The following ANK2 variants were observed in gnomAD, a reference collection of about 807,000 sequenced individuals.
ANK2 encodes ankyrin-2.
ANK2 carries 83 observed loss-of-function variants against 360.5 expected under a neutral mutation model. The ratio of observed to expected loss-of-function variants is 0.23; its 90% confidence interval spans 0.19 to 0.28. The LOEUF is 0.28. Among genes scored for constraint, ANK2 ranks in the 10% least tolerant of loss-of-function variants. The pLI, the probability that ANK2 is intolerant of heterozygous loss-of-function variation, is 1.00. For synonymous variants in ANK2, 1,740 were observed against 1,759.5 expected, an observed-to-expected ratio of 0.99 and a Z score of 0.28; for missense variants, 4,201 against 4,795.7, an observed-to-expected ratio of 0.88 and a Z score of 3.66.
At chr4:113,282,915 C>T in intron 18 of ANK2, 43 bp downstream of exon 18, 1 of 1,599,244 alleles carries the variant, frequency 6.3e-7, no homozygotes, top group South Asian at 1.1e-5. Context: ...GTTTTGGATG[C>T]ATGTAAACAG....
chr4:112,796,137 T>A, the ANK2 span, among the ~76,000 whole-genome samples: 1 of 151,986 alleles, frequency 6.6e-6, no homozygotes, highest in East Asian at 1.9e-4. Flanking sequence ...AAAATATACA[T>A]ATCGTGGTTG....
At chr4:112,893,937 C>G (rs982448738) in intron 1 of ANK2, among the ~76,000 whole-genome samples, 4 of 152,168 alleles carry the variant, frequency 2.6e-5, no homozygotes. Flanking sequence ...ACGGAGGATA[C>G]AGTGAGCCAA....
At chr4:112,912,089 A>G (rs1001614373) in intron 2 of ANK2, among the ~76,000 whole-genome samples, 2 of 151,588 alleles carry the variant, frequency 1.3e-5, no homozygotes, top group Admixed American at 1.3e-4. Context: ...AGGCAGGAGA[A>G]TGGTGTGGAC....
intron 14 of ANK2, among the ~76,000 whole-genome samples, chr4:113,267,764 T>C (rs1482374222): frequency 2.0e-5 from 3 of 152,230 alleles, no homozygotes; most frequent in Non-Finnish European, 2.9e-5. Context: ...AAGTTTAAAG[T>C]AGTTTTTTCT....
chr4:113,253,840 T>C (rs1040780752), intron 10 of ANK2, among the ~76,000 whole-genome samples: 2 of 152,154 alleles, frequency 1.3e-5, no homozygotes, highest in Non-Finnish European at 2.9e-5. Context: ...AGTAATCCTG[T>C]TGCCCTAAAC....
intron 1 of ANK2, among the ~76,000 whole-genome samples, chr4:113,154,038 C>T (rs1474669817): frequency 6.6e-6 from 1 of 152,100 alleles, no homozygotes; most frequent in Non-Finnish European, 1.5e-5. Flanking sequence ...TCTTCTTATC[C>T]AGGTTAATTC....
the ANK2 span, among the ~76,000 whole-genome samples, chr4:112,764,208 G>A: frequency 3.5e-3 from 531 of 152,150 alleles, 3 homozygotes; most frequent in Admixed American, 7.1e-3. Context: ...CTCCTAAAGT[G>A]TTGAGATTAT....
chr4:113,151,053 C>A, intron 1 of ANK2: 1 of 1,277,624 alleles, frequency 7.8e-7, no homozygotes, highest in Non-Finnish European at 1.0e-6. Flanking sequence ...AGTAGCAAAT[C>A]TATTTATGGG....
At position 112,993,085 on chromosome 4, in the gene ANK2, C is replaced by A. The variant is rs80203587; in HGVS notation, c.21+88571C>A. Among the ~76,000 whole-genome samples, 233 of 151,948 alleles carry A rather than the reference C, an allele frequency of 1.5e-3. 4 individuals are homozygous for A. In the East Asian group the frequency reaches 0.032, roughly 21 times the overall value. The stretch of plus-strand genomic sequence containing the variant: ...ACTGCTTGAGCCCATGAATTCGAGA[C>A]CAGCCTGGGCAACATAAGGAGACCT... On this transcript the variant is annotated intron_variant, in intron 2 of 30. Transcript: ENST00000503271.
the ANK2 span, among the ~76,000 whole-genome samples, chr4:112,751,865 C>T: frequency 4.6e-5 from 7 of 152,126 alleles, no homozygotes; most frequent in Admixed American, 4.6e-4. Context: ...GCTGGAGTCC[C>T]AACAAGGGAT....
intron 2 of ANK2, 26 bp downstream of exon 2, chr4:113,174,543 G>A (rs1475795093): frequency 6.6e-7 from 1 of 1,507,772 alleles, no homozygotes; most frequent in Non-Finnish European, 9.2e-7. Flanking sequence ...CTAGCTCTGT[G>A]TTGTGCAACG....
chr4:112,807,890 T>C, the ANK2 span, among the ~76,000 whole-genome samples: 1 of 152,260 alleles, frequency 6.6e-6, no homozygotes, highest in Non-Finnish European at 1.5e-5. Flanking sequence ...TAAGTTTTAA[T>C]GCTTTGAAAA....
chr4:112,955,609 C>T (rs537893579), intron 2 of ANK2, among the ~76,000 whole-genome samples: 4 of 151,926 alleles, frequency 2.6e-5, no homozygotes, highest in African/African-American at 9.7e-5. Context: ...AGTTTACACC[C>T]GGGTATTCAG....
intron 1 of ANK2, among the ~76,000 whole-genome samples, chr4:113,167,271 G>A (rs2097780025): frequency 6.6e-6 from 1 of 150,382 alleles, no homozygotes; most frequent in Admixed American, 6.6e-5. Flanking sequence ...TATAAAGATG[G>A]GTTCTCACTC....
chr4:113,160,453 A>T, intron 1 of ANK2: 1 of 267,186 alleles, frequency 3.7e-6, no homozygotes. Flanking sequence ...TTGCTAATCA[A>T]GGTTTGAAAC....
intron 2 of ANK2, among the ~76,000 whole-genome samples, chr4:112,940,898 A>G (rs2094156084): frequency 1.3e-5 from 2 of 152,086 alleles, no homozygotes. Context: ...TATGTTCTGA[A>G]TCACAGCCGC....
At chr4:113,134,755 A>T (rs2096287500) in intron 1 of ANK2, among the ~76,000 whole-genome samples, 1 of 152,200 alleles carries the variant, frequency 6.6e-6, no homozygotes, top group Non-Finnish European at 1.5e-5. Flanking sequence ...GGACAAAATT[A>T]AACTGTCATG....
chr4:112,725,336 G>A, the ANK2 span, among the ~76,000 whole-genome samples: 18 of 141,384 alleles, frequency 1.3e-4, no homozygotes, highest in African/African-American at 4.7e-4. Context: ...CTACAACATG[G>A]ATGAGCCTTA....
At chr4:113,373,733 C>A (rs2154076062) in intron 45 of ANK2, 2 of 561,080 alleles carry the variant, frequency 3.6e-6, no homozygotes, top group East Asian at 8.3e-5. Context: ...ATCCAAAAGT[C>A]AAATTTTGAA....
Sources: allele counts gnomAD v4.1 joint callset (sites outside exome capture counted in the v4.1 genomes callset), GRCh38; gene constraint gnomAD v4.1.1; transcripts MANE v1.5; gene names NCBI Gene and HGNC (gene_info 2026-07-23, HGNC 2026-07-21).